The following SLC5A4 variants were observed in gnomAD, a reference collection of about 807,000 sequenced individuals.
SLC5A4 encodes probable glucose sensor protein SLC5A4.
In SLC5A4, 55 loss-of-function variants were observed where a neutral mutation model predicts 70.3. The observed-to-expected ratio is 0.78, with a 90% CI of 0.63 to 0.98. The LOEUF (loss-of-function observed/expected upper bound fraction) is 0.98. Among genes scored for constraint, SLC5A4 ranks in the 50% least tolerant of loss-of-function variants. The pLI is 0.00. For missense variants in SLC5A4, 735 were observed against 839.2 expected (o/e 0.88, Z 1.53); for synonymous variants, 268 against 305.7 (o/e 0.88, Z 1.29).
chr22:32,341,259 T>C, the SLC5A4 span, among the ~76,000 whole-genome samples: 3 of 151,314 alleles, frequency 2.0e-5, no homozygotes, highest in African/African-American at 7.3e-5. Context: ...TGGGTGGAGA[T>C]GAGAGAGAAG....
At chr22:32,325,261 G>A in the SLC5A4 span, among the ~76,000 whole-genome samples, 5 of 152,256 alleles carry the variant, frequency 3.3e-5, no homozygotes, top group African/African-American at 1.2e-4. Context: ...TGCCCTCGAG[G>A]GCTCCAAGCT....
At chr22:32,269,265 G>T in the SLC5A4 span, 1 of 182,282 alleles carries the variant, frequency 5.5e-6, no homozygotes, top group South Asian at 1.4e-4. The surrounding 1 kb of genome is among the most constrained non-coding windows in gnomAD (Gnocchi z 4.1). Context: ...ATATTTCTTT[G>T]GGTGTAGCAC....
At chr22:32,303,472 A>C in the SLC5A4 span, among the ~76,000 whole-genome samples, 2 of 152,200 alleles carry the variant, frequency 1.3e-5, no homozygotes, top group African/African-American at 4.8e-5. Context: ...CAGAGGAAGG[A>C]AATCAGACAT....
the SLC5A4 span, among the ~76,000 whole-genome samples, chr22:32,322,605 G>GA: frequency 4.3e-3 from 634 of 146,126 alleles, 3 homozygotes; most frequent in African/African-American, 0.013. Flanking sequence ...AAAATTATTG[G>GA]AAAAAAAAAA....
At chr22:32,283,633 A>G in the SLC5A4 span, among the ~76,000 whole-genome samples, 1 of 152,220 alleles carries the variant, frequency 6.6e-6, no homozygotes, top group Non-Finnish European at 1.5e-5. Flanking sequence ...ATTACATAGT[A>G]TTTTGTAATA....
intron 14 of SLC5A4, among the ~76,000 whole-genome samples, chr22:32,220,667 A>G (rs1925021127): frequency 6.6e-6 from 1 of 152,252 alleles, no homozygotes. Context: ...AACTAGGAAC[A>G]GGCGAGTCTG....
chr22:32,303,700 C>G, the SLC5A4 span, among the ~76,000 whole-genome samples: 121 of 152,232 alleles, frequency 7.9e-4, no homozygotes, highest in African/African-American at 2.8e-3. Context: ...TATATCTGTC[C>G]ACCTACAGAT....
At chr22:32,278,148 AT>A in the SLC5A4 span, among the ~76,000 whole-genome samples, 1 of 152,220 alleles carries the variant, frequency 6.6e-6, no homozygotes, top group Non-Finnish European at 1.5e-5. Flanking sequence ...CATCTCTCTA[AT>A]TTTGAACTAT....
the SLC5A4 span, among the ~76,000 whole-genome samples, chr22:32,282,190 G>A: frequency 1.3e-5 from 2 of 152,078 alleles, no homozygotes; most frequent in Non-Finnish European, 2.9e-5. Context: ...CTTTGTAGGA[G>A]CGAAACTCCT....
chr22:32,318,301 T>C, the SLC5A4 span, among the ~76,000 whole-genome samples: 2 of 152,132 alleles, frequency 1.3e-5, no homozygotes, highest in East Asian at 3.8e-4. Flanking sequence ...TGATGACTTT[T>C]GAGCCTCAAA....
At chr22:32,267,305 G>A in the SLC5A4 span, among the ~76,000 whole-genome samples, 1 of 152,146 alleles carries the variant, frequency 6.6e-6, no homozygotes, top group Non-Finnish European at 1.5e-5. Flanking sequence ...TGAATAAGGT[G>A]GGAGGAGGGA....
chr22:32,258,584 A>C (rs117519455), upstream of SLC5A4, among the ~76,000 whole-genome samples: 349 of 152,328 alleles, frequency 2.3e-3, 10 homozygotes, highest in East Asian at 0.045. Flanking sequence ...AAGAAAAAAA[A>C]GACAAGTATC....
At chr22:32,325,397 CCA>C in the SLC5A4 span, among the ~76,000 whole-genome samples, 11,928 of 151,762 alleles carry the variant, frequency 0.079, 765 homozygotes, top group East Asian at 0.33. Context: ...TCGGGAGCAG[CCA>C]CAGAGCTGGG....
At chr22:32,232,864 T>TA (rs780776651) in intron 9 of SLC5A4, 35 bp downstream of exon 9, 1 of 1,581,630 alleles carries the variant, frequency 6.3e-7, no homozygotes, top group South Asian at 1.2e-5. Context: ...AATACAAGCA[T>TA]AAAAAAAGAG....
the SLC5A4 span, among the ~76,000 whole-genome samples, chr22:32,298,094 T>A: frequency 8.2e-6 from 1 of 121,744 alleles, no homozygotes; most frequent in African/African-American, 3.1e-5. Flanking sequence ...AGTTTTGGAA[T>A]AGGTGTGGTG....
At position 32,239,107 on chromosome 22, in the gene SLC5A4, C is replaced by A; in HGVS notation, c.478-17G>T. On this transcript the variant is annotated splice_polypyrimidine_tract_variant and intron_variant, in intron 5 of 14. Coordinates refer to ENST00000266086, the MANE Select transcript of SLC5A4 (RefSeq NM_014227.3). ...TATGTCTGCCTAAAAAGGGAACAGT[C>A]AGGATGAGAAAGAAACATGCATTTG... is the stretch of plus-strand genomic sequence containing the variant. The A allele has an allele frequency of 6.3e-7, 1 of 1,590,760 alleles. No individual in the cohort carries two copies. The highest frequency in any genetic ancestry group is 8.6e-7 in the Non-Finnish European group (1 of 1,159,254).
the SLC5A4 span, among the ~76,000 whole-genome samples, chr22:32,324,399 T>C: frequency 1.3e-5 from 2 of 152,116 alleles, no homozygotes; most frequent in African/African-American, 4.8e-5. Flanking sequence ...TTTTGATGTC[T>C]TAGCTGGGCC....
At chr22:32,280,139 T>C in the SLC5A4 span, among the ~76,000 whole-genome samples, 5 of 152,222 alleles carry the variant, frequency 3.3e-5, no homozygotes, top group African/African-American at 1.2e-4. Context: ...CCTCAGCCTC[T>C]GGAGTAGCTG....
chr22:32,282,177 G>A, the SLC5A4 span, among the ~76,000 whole-genome samples: 1 of 152,092 alleles, frequency 6.6e-6, no homozygotes, highest in Admixed American at 6.5e-5. Context: ...GGATAGCAAA[G>A]CTCTTTGTAG....
Sources: gnomAD v4.1 joint callset for allele counts (sites outside exome capture counted in the v4.1 genomes callset) on GRCh38, gnomAD v4.1.1 for gene constraint, Gnocchi (gnomAD v3.1) non-coding constraint, MANE v1.5 for transcripts, NCBI Gene and HGNC (gene_info 2026-07-23, HGNC 2026-07-21) for gene names.